ZNHIT6: variants seen among roughly 807,000 people sequenced by gnomAD.
ZNHIT6 encodes the protein box C/D snoRNA protein 1.
ZNHIT6 carries 45 observed loss-of-function variants against 57.2 expected under a neutral mutation model. That is an observed-to-expected ratio of 0.79 (90% confidence interval 0.62 to 1.01). ZNHIT6 has a LOEUF of 1.01. ZNHIT6 is among the 50% of genes least tolerant of loss of function. The pLI is 0.00. For missense variants in ZNHIT6, 528 were observed against 567.3 expected (o/e 0.93, Z 0.70); for synonymous variants, 188 against 190.0 (o/e 0.99, Z 0.09).
At chr1:85,689,493 T>C (rs757110674) in intron 5 of ZNHIT6, among the ~76,000 whole-genome samples, 1 of 152,202 alleles carries the variant, frequency 6.6e-6, no homozygotes, top group Admixed American at 6.5e-5. Flanking sequence ...CATCATTATG[T>C]AAATACTTTG....
At chr1:85,686,335 G>T (rs2100692566) in intron 5 of ZNHIT6, among the ~76,000 whole-genome samples, 1 of 151,500 alleles carries the variant, frequency 6.6e-6, no homozygotes, top group South Asian at 2.1e-4. Context: ...TGCCCCCTTT[G>T]AGAAAAAAAA....
chr1:85,661,410 A>G (rs821389), intron 8 of ZNHIT6, among the ~76,000 whole-genome samples: 61,519 of 152,060 alleles, frequency 0.4, 13,579 homozygotes, highest in South Asian at 0.57. Context: ...CTGCTCACTC[A>G]TTTATTTAAG....
intron 9 of ZNHIT6, among the ~76,000 whole-genome samples, chr1:85,657,466 G>GT (rs1164619212): frequency 2.5e-5 from 3 of 120,740 alleles, no homozygotes; most frequent in Non-Finnish European, 5.2e-5. Context: ...AACTAAAAAT[G>GT]TTTTGTAATC....
intron 8 of ZNHIT6, among the ~76,000 whole-genome samples, chr1:85,658,563 TAA>T (rs1661130764): frequency 6.6e-6 from 1 of 151,818 alleles, no homozygotes; most frequent in Non-Finnish European, 1.5e-5. Context: ...AAGAAATAGT[TAA>T]AGACTCTTAT....
At chr1:85,658,705 C>G (rs1661136020) in intron 8 of ZNHIT6, among the ~76,000 whole-genome samples, 1 of 151,854 alleles carries the variant, frequency 6.6e-6, no homozygotes, top group Admixed American at 6.6e-5. Flanking sequence ...ATCCCCATCT[C>G]TACTAAAAAT....
chr1:85,657,423 T>C (rs1661089694), intron 9 of ZNHIT6, among the ~76,000 whole-genome samples: 1 of 151,688 alleles, frequency 6.6e-6, no homozygotes, highest in African/African-American at 2.4e-5. Flanking sequence ...GGCTTTTTTT[T>C]TTTTTTTTTA....
chr1:85,686,537 T>C (rs1440996606), intron 5 of ZNHIT6, among the ~76,000 whole-genome samples: 2 of 132,314 alleles, frequency 1.5e-5, no homozygotes, highest in Non-Finnish European at 3.3e-5. Flanking sequence ...TTTCTGTTCT[T>C]TTTTTTTTAA....
At position 85,678,763 on chromosome 1, in the gene ZNHIT6, A is replaced by G. The variant is rs1286125381; in HGVS notation, c.1107T>C (p.Thr369=). ...YIEKRVPDDK[T]INEILKPYID... is the part of the protein sequence containing the mutation. ...TGTAAGGTTTTAGGATTTCATTAAT[A>G]GTTTTATCATCTGGTACTCTTTACA... is the stretch of plus-strand genomic sequence containing the variant. Residue 369 remains threonine (T), a synonymous_variant, in exon 7 of 10, where the codon ACT becomes ACC. Coordinates refer to ENST00000370574, the MANE Select transcript of ZNHIT6 (RefSeq NM_017953.4). The G allele has an allele frequency of 1.9e-6, 3 of 1,577,278 alleles. No individual in the cohort carries two copies. Among genetic ancestry groups the G allele is most frequent in the Admixed American group, 1.8e-5 (1 of 55,202 alleles).
chr1:85,703,232 G>A (rs1254157324), intron 4 of ZNHIT6, among the ~76,000 whole-genome samples: 2 of 152,044 alleles, frequency 1.3e-5, no homozygotes, highest in African/African-American at 4.8e-5. Flanking sequence ...AAACTTGTAT[G>A]GTTACACTGA....
intron 4 of ZNHIT6, among the ~76,000 whole-genome samples, chr1:85,705,173 T>C (rs1570338864): frequency 6.6e-6 from 1 of 152,184 alleles, no homozygotes; most frequent in Non-Finnish European, 1.5e-5. Flanking sequence ...AACCCTTCCA[T>C]GGTTTCCATT....
chr1:85,662,184 C>T (rs1189800157), intron 8 of ZNHIT6, among the ~76,000 whole-genome samples: 7 of 150,952 alleles, frequency 4.6e-5, no homozygotes, highest in Non-Finnish European at 1.0e-4. Context: ...TCCTCATAAC[C>T]ACAAAAGACA....
rs1445391004 is a variant in ZNHIT6 at position 85,670,056 on chromosome 1, C to T, written c.1247+7180G>A. On this transcript the variant is annotated intron_variant, in intron 8 of 9. Transcript: ENST00000370574. ...GAAGTAACTTTTAAATTATACTAGG[C>T]CCTTGTTACAATCTTCTCTCTCTCT... is the stretch of plus-strand genomic sequence containing the variant. Among the ~76,000 whole-genome samples the T allele has an allele frequency of 2.0e-5, 3 of 152,200 alleles. No homozygotes were observed. In the East Asian group the frequency reaches 5.8e-4, roughly 29 times the overall value.
At chr1:85,675,415 CT>C (rs1661674254) in intron 8 of ZNHIT6, among the ~76,000 whole-genome samples, 1 of 152,064 alleles carries the variant, frequency 6.6e-6, no homozygotes, top group Non-Finnish European at 1.5e-5. Flanking sequence ...TGAAAACAAA[CT>C]TTTTTTTCTG....
chr1:85,655,924 G>T (rs1661046855), intron 9 of ZNHIT6, among the ~76,000 whole-genome samples: 1 of 152,200 alleles, frequency 6.6e-6, no homozygotes, highest in Non-Finnish European at 1.5e-5. Context: ...ACCATCAGGT[G>T]TGGGAACTAC....
Position 85,649,995 on chromosome 1 carries a change from A to G in ZNHIT6, c.*4063T>C, listed in dbSNP as rs1020640693. On this transcript the variant is annotated 3_prime_UTR_variant, in exon 10 of 10. Transcript: ENST00000370574. Reference sequence around the variant, plus strand: ...ACTCCTTCTGTTAGTACAAATCAGAAACTTCTTGCTACTCAAATTCAAACA... The same window carrying G: ...ACTCCTTCTGTTAGTACAAATCAGAGACTTCTTGCTACTCAAATTCAAACA... The G allele has an allele frequency of 6.6e-6, 1 of 152,190 alleles. No individual in the cohort carries two copies. Among genetic ancestry groups the G allele is most frequent in the African/African-American group, 2.4e-5 (1 of 41,438 alleles). 9.4% of individuals were successfully genotyped at this position (152,190 alleles called of 1,614,324 possible).
chr1:85,663,533 A>G (rs537615150), intron 8 of ZNHIT6, among the ~76,000 whole-genome samples: 1 of 152,352 alleles, frequency 6.6e-6, no homozygotes, highest in East Asian at 1.9e-4. Context: ...ATATTTACTT[A>G]GTGTCTACTA....
rs557233472 is a variant in ZNHIT6, at chr1:85,683,103, G to C, written c.1020-2199C>G. On this transcript the variant is annotated intron_variant, in intron 5 of 9. Transcript: ENST00000370574. ...ATGGTGGCGTATGCCTATAGTCCCA[G>C]CTACTCTGGAGGTTGAAGTGGGAGA... Among the ~76,000 whole-genome samples, 218 of 152,322 alleles carry C rather than the reference G, an allele frequency of 1.4e-3. 1 individual carries two copies. The highest frequency in any genetic ancestry group is 5.1e-3 in the African/African-American group (210 of 41,568).
intron 5 of ZNHIT6, among the ~76,000 whole-genome samples, chr1:85,683,089 T>TGC (rs756413162): frequency 1.5e-4 from 23 of 152,192 alleles, no homozygotes; most frequent in Non-Finnish European, 2.1e-4. Context: ...TGGTGGCGTA[T>TGC]GCCTATAGTC....
chr1:85,664,581 T>C (rs867623295), intron 8 of ZNHIT6, among the ~76,000 whole-genome samples: 1 of 152,006 alleles, frequency 6.6e-6, no homozygotes, highest in African/African-American at 2.4e-5. Context: ...GGGAGCTAAA[T>C]GATGAGAACT....
Sources: gnomAD v4.1 joint callset for allele counts (sites outside exome capture counted in the v4.1 genomes callset) on GRCh38, gnomAD v4.1.1 for gene constraint, MANE v1.5 for transcripts, NCBI Gene and HGNC (gene_info 2026-07-23, HGNC 2026-07-21) for gene names.